DPP10: variants seen among roughly 807,000 people sequenced by gnomAD.
The protein encoded by DPP10 is inactive dipeptidyl peptidase 10.
A neutral mutation model predicts 120.9 loss-of-function variants in DPP10; 33 were observed. The observed-to-expected ratio is 0.27, with a 90% CI of 0.21 to 0.37. The LOEUF is 0.37. Ranked by LOEUF, DPP10 falls within the 10% of genes least tolerant of loss-of-function variation. The probability of loss-of-function intolerance (pLI) is 1.00; values close to 1 mark genes in which losing one functional copy is unlikely to be tolerated. For synonymous variants in DPP10, 337 were observed against 326.1 expected, an observed-to-expected ratio of 1.03 and a Z score of -0.36; for missense variants, 816 against 942.8, an observed-to-expected ratio of 0.87 and a Z score of 1.76.
intron 2 of DPP10, among the ~76,000 whole-genome samples, chr2:115,320,984 A>G (rs772510806): frequency 1.8e-4 from 27 of 152,036 alleles, no homozygotes; most frequent in Non-Finnish European, 3.1e-4. Context: ...CGATTTTGCT[A>G]TATATAGAAT....
chr2:115,476,276 A>T (rs1340404548), intron 3 of DPP10, among the ~76,000 whole-genome samples: 2 of 152,128 alleles, frequency 1.3e-5, no homozygotes, highest in African/African-American at 4.8e-5. Flanking sequence ...ATGTTTTAAA[A>T]GCGTGTGGTA....
At chr2:115,782,431 T>C in intron 17 of DPP10, 32 bp downstream of exon 17, 1 of 1,588,392 alleles carries the variant, frequency 6.3e-7, no homozygotes. Flanking sequence ...TAAGAATAGT[T>C]ATGGTTGGCA....
At chr2:115,696,399 G>C (rs1575547323) in intron 7 of DPP10, among the ~76,000 whole-genome samples, 1 of 152,214 alleles carries the variant, frequency 6.6e-6, no homozygotes, top group East Asian at 1.9e-4. Context: ...CTTATCAGCA[G>C]ATTTCTCATC....
intron 1 of DPP10, among the ~76,000 whole-genome samples, chr2:114,804,664 A>G (rs761664329): frequency 6.6e-6 from 1 of 152,158 alleles, no homozygotes; most frequent in Non-Finnish European, 1.5e-5. Flanking sequence ...TTTATTTTGG[A>G]GAATTTCTCC....
chr2:115,375,282 C>G (rs1255625204), intron 3 of DPP10, among the ~76,000 whole-genome samples: 2 of 152,168 alleles, frequency 1.3e-5, no homozygotes, highest in Non-Finnish European at 2.9e-5. Context: ...GAAAGTTTCA[C>G]AGATCCCTAG....
At chr2:114,930,935 A>AC (rs1696023393) in intron 1 of DPP10, among the ~76,000 whole-genome samples, 1 of 152,148 alleles carries the variant, frequency 6.6e-6, no homozygotes, top group Admixed American at 6.5e-5. Flanking sequence ...TAAAGGATTT[A>AC]CCCCCATGTC....
At chr2:115,588,316 T>A (rs1326937793) in intron 5 of DPP10, among the ~76,000 whole-genome samples, 1 of 152,232 alleles carries the variant, frequency 6.6e-6, no homozygotes, top group Non-Finnish European at 1.5e-5. Flanking sequence ...AAAGCATATT[T>A]TCATTTATTC....
At chr2:114,762,788 G>A (rs1680394363) in intron 1 of DPP10, among the ~76,000 whole-genome samples, 1 of 152,130 alleles carries the variant, frequency 6.6e-6, no homozygotes, top group Admixed American at 6.6e-5. Flanking sequence ...TTTCTGACCT[G>A]GACAAAACAG....
intron 1 of DPP10, among the ~76,000 whole-genome samples, chr2:115,209,938 A>G (rs1301415084): frequency 6.6e-6 from 1 of 152,186 alleles, no homozygotes; most frequent in Non-Finnish European, 1.5e-5. Flanking sequence ...TGTAATACCA[A>G]GCACTTTGAG....
At chr2:115,437,314 A>G (rs2104830930) in intron 3 of DPP10, among the ~76,000 whole-genome samples, 1 of 152,152 alleles carries the variant, frequency 6.6e-6, no homozygotes, top group Non-Finnish European at 1.5e-5. Flanking sequence ...CCTCTTACGT[A>G]AGTTTTCAGC....
At chr2:115,780,846 T>G (rs1575757828) in intron 15 of DPP10, 28 bp from the exon 16 acceptor site, 3 of 1,589,182 alleles carry the variant, frequency 1.9e-6, no homozygotes, top group Admixed American at 1.7e-5. Context: ...GTAGCATTTC[T>G]ATAATAACTT....
intron 1 of DPP10, among the ~76,000 whole-genome samples, chr2:114,949,864 A>G (rs149102722): frequency 4.1e-4 from 62 of 152,282 alleles, no homozygotes; most frequent in African/African-American, 1.3e-3. Flanking sequence ...CTGGCATTCT[A>G]TAATCTTTCC....
intron 1 of DPP10, among the ~76,000 whole-genome samples, chr2:114,978,471 A>T (rs1231282734): frequency 6.6e-6 from 1 of 152,170 alleles, no homozygotes; most frequent in Non-Finnish European, 1.5e-5. Flanking sequence ...ATCACAGGGA[A>T]AGTAGTAGTT....
chr2:114,626,741 T>G (rs1694543744), intron 1 of DPP10, among the ~76,000 whole-genome samples: 1 of 152,088 alleles, frequency 6.6e-6, no homozygotes, highest in African/African-American at 2.4e-5. Flanking sequence ...CCAAGTAATA[T>G]TTTAATAGGT....
At chr2:115,739,938 A>G (rs997596811) in intron 9 of DPP10, 45 bp downstream of exon 9, 2 of 1,592,320 alleles carry the variant, frequency 1.3e-6, no homozygotes, top group African/African-American at 2.7e-5. Flanking sequence ...CTCTCTCTGC[A>G]CTAGTGACTT....
intron 1 of DPP10, among the ~76,000 whole-genome samples, chr2:114,690,717 A>T (rs942245143): frequency 9.2e-5 from 14 of 152,136 alleles, no homozygotes; most frequent in Admixed American, 7.9e-4. Flanking sequence ...ATCTACGAGC[A>T]TGGAATGTTT....
At chr2:114,901,503 G>T (rs1013731647) in intron 1 of DPP10, among the ~76,000 whole-genome samples, 1 of 152,134 alleles carries the variant, frequency 6.6e-6, no homozygotes, top group African/African-American at 2.4e-5. Flanking sequence ...GCCACAAATG[G>T]ATAACTCATT....
intron 1 of DPP10, among the ~76,000 whole-genome samples, chr2:114,878,774 T>G (rs949283689): frequency 1.3e-5 from 2 of 152,282 alleles, no homozygotes; most frequent in Non-Finnish European, 2.9e-5. Flanking sequence ...CATTCTTTTT[T>G]TGTGGCTGAA....
intron 1 of DPP10, chr2:114,835,202 C>T (rs1687617374): frequency 6.6e-6 from 1 of 151,374 alleles, no homozygotes; most frequent in Non-Finnish European, 1.5e-5. Context: ...TATCTACATA[C>T]CTATGTATAT....
Sources: allele counts gnomAD v4.1 joint callset (sites outside exome capture counted in the v4.1 genomes callset), GRCh38; gene constraint gnomAD v4.1.1; transcripts MANE v1.5; gene names NCBI Gene and HGNC (gene_info 2026-07-23, HGNC 2026-07-21).